Variants in ACACB observed in about 807,000 individuals in gnomAD.
ACACB encodes the protein acetyl-CoA carboxylase beta.
A neutral mutation model predicts 278.8 loss-of-function variants in ACACB; 209 were observed. That is an observed-to-expected ratio of 0.75 (90% confidence interval 0.67 to 0.84). The LOEUF is 0.84. Ranked by LOEUF, ACACB falls within the 40% of genes least tolerant of loss-of-function variation. The pLI is 0.00. For synonymous variants in ACACB, 1,174 were observed against 1,285.6 expected (o/e 0.91, Z 1.86); for missense variants, 2,850 against 3,269.0 (o/e 0.87, Z 3.13).
At chr12:109,172,214 A>C in intron 5 of ACACB, 61 bp from the exon 6 acceptor site, 2 of 1,526,412 alleles carry the variant, frequency 1.3e-6, no homozygotes, top group East Asian at 4.5e-5. Flanking sequence ...GAGTTACTGC[A>C]CCTGGCTGGG....
At position 109,204,942 on chromosome 12, in the gene ACACB, G is replaced by C. The variant is rs920781104; in HGVS notation, c.2914-1768G>C. On this transcript the variant is annotated intron_variant, in intron 19 of 52. Coordinates refer to ENST00000338432, the MANE Select transcript of ACACB (RefSeq NM_001093.4). ...GCTCACTGCAACCTCCACTTCCTGG[G>C]TTCAAGCAATTCTCCTGCCTCAGAC... Among the ~76,000 whole-genome samples the C allele has an allele frequency of 3.3e-5, 5 of 152,184 alleles. No homozygotes were observed. The East Asian group carries it at 7.7e-4, about 24-fold the overall frequency.
chr12:109,262,332 C>G (rs752241070), intron 48 of ACACB, 25 bp from the exon 49 acceptor site: 1 of 1,588,416 alleles, frequency 6.3e-7, no homozygotes, highest in Non-Finnish European at 8.6e-7. Context: ...TCATATACCC[C>G]CATCCCTGCC....
In ACACB at chr12:109,210,095, ATG is replaced by A. The variant is rs371670443; in HGVS notation, c.3249+750_3249+751del. On this transcript the variant is annotated intron_variant, in intron 21 of 52. Coordinates refer to ENST00000338432, the MANE Select transcript of ACACB (RefSeq NM_001093.4). The stretch of plus-strand genomic sequence containing the variant: ...TGTGTATATATGTATATATACACAC[ATG>A]TGTGTGTATATGTATATATACACGT... Among the ~76,000 whole-genome samples the A allele has an allele frequency of 9.7e-3, 730 of 75,220 alleles. 118 individuals are homozygous for A. The highest frequency in any genetic ancestry group is 0.029 in the African/African-American group (558 of 19,088). 49.3% of individuals were successfully genotyped at this position (75,220 alleles called of 152,430 possible). A position where few individuals can be genotyped will look rare whatever the true frequency, so the allele number is the denominator to read the frequency against.
upstream of ACACB, among the ~76,000 whole-genome samples, chr12:109,112,337 C>T (rs907602331): frequency 2.0e-5 from 3 of 149,756 alleles, no homozygotes. Flanking sequence ...CATGTGGTGA[C>T]ACTTTAAACA....
At chr12:109,199,171 C>T (rs1410625674) in intron 17 of ACACB, among the ~76,000 whole-genome samples, 1 of 151,850 alleles carries the variant, frequency 6.6e-6, no homozygotes, top group East Asian at 1.9e-4. Flanking sequence ...GCCTGGGCAA[C>T]AGAGCGAGAC....
At chr12:109,232,316 C>G (rs1413387409) in intron 28 of ACACB, among the ~76,000 whole-genome samples, 1 of 152,062 alleles carries the variant, frequency 6.6e-6, no homozygotes, top group Non-Finnish European at 1.5e-5. Flanking sequence ...TCACCAGCTG[C>G]CTGGGGCTGG....
intron 24 of ACACB, among the ~76,000 whole-genome samples, chr12:109,219,656 A>G (rs2046104390): frequency 6.6e-6 from 1 of 152,226 alleles, no homozygotes; most frequent in Admixed American, 6.5e-5. Context: ...ACTTTCAGAA[A>G]AAGAGAGAGT....
chr12:109,191,667 C>T lies in ACACB; in HGVS notation c.2199C>T (p.Thr733=), dbSNP rs145205732. 8.5e-4 allele frequency: 1,371 copies of T among 1,614,174 alleles called. 7 individuals are homozygous for T. The highest frequency in any genetic ancestry group is 8.6e-4 in the Non-Finnish European group (1,014 of 1,180,014). ...ELSIRGDFRT[T]VEYLINLLET... is the part of the protein sequence containing the mutation. ...CCATCCGAGGCGACTTTAGGACTACCGTGGAATACCTCATTAACCTCCTGG... is the reference window on the plus strand; with the variant it reads ...CCATCCGAGGCGACTTTAGGACTACTGTGGAATACCTCATTAACCTCCTGG... Residue 733 remains threonine (T), a synonymous_variant, in exon 14 of 53, where the codon ACC becomes ACT. Transcript: ENST00000338432.
chr12:109,212,051 T>C (rs996613178), intron 21 of ACACB, among the ~76,000 whole-genome samples: 4 of 152,234 alleles, frequency 2.6e-5, no homozygotes, highest in African/African-American at 9.6e-5. Context: ...CCCATTGATA[T>C]GTGCGGAATG....
At chr12:109,251,537 C>T (rs1429654329) in intron 41 of ACACB, among the ~76,000 whole-genome samples, 2 of 152,144 alleles carry the variant, frequency 1.3e-5, no homozygotes, top group Non-Finnish European at 2.9e-5. Context: ...TAGGACCCAC[C>T]GTAAGTTATA....
chr12:109,254,754 A>C (rs922834058), intron 44 of ACACB, among the ~76,000 whole-genome samples: 4 of 150,602 alleles, frequency 2.7e-5, no homozygotes, highest in African/African-American at 7.3e-5. Flanking sequence ...GTGAGTTTAC[A>C]CAGGATAGGC....
At chr12:109,141,804 G>A (rs2043131365) in intron 2 of ACACB, among the ~76,000 whole-genome samples, 1 of 152,186 alleles carries the variant, frequency 6.6e-6, no homozygotes, top group Non-Finnish European at 1.5e-5. Flanking sequence ...GGAAGAGAAA[G>A]TCTCAGAATC....
At chr12:109,160,911 A>G (rs1460330229) in intron 2 of ACACB, among the ~76,000 whole-genome samples, 1 of 152,192 alleles carries the variant, frequency 6.6e-6, no homozygotes, top group Non-Finnish European at 1.5e-5. Context: ...TAGGCCACAA[A>G]TGAAGTTTTT....
intron 42 of ACACB, 135 bp downstream of exon 42, chr12:109,252,291 T>A: frequency 1.7e-6 from 1 of 597,008 alleles, no homozygotes; most frequent in Non-Finnish European, 2.8e-6. Flanking sequence ...AGCTCTTTTT[T>A]TCCAATTTGC....
chr12:109,188,400 CT>C (rs1174269016), intron 13 of ACACB, among the ~76,000 whole-genome samples: 7 of 138,778 alleles, frequency 5.0e-5, no homozygotes, highest in Non-Finnish European at 1.1e-4. Flanking sequence ...CCTTCCATCC[CT>C]TCCCCTCCCT....
At chr12:109,206,427 T>TTAAAAAAAAAAAA (rs2045512279) in intron 19 of ACACB, among the ~76,000 whole-genome samples, 1 of 55,212 alleles carries the variant, frequency 1.8e-5, no homozygotes, top group Non-Finnish European at 3.4e-5. Flanking sequence ...TGCGAGTGTC[T>TTAAAAAAAAAAAA]CAAAAAAAAA....
chr12:109,146,186 G>A (rs1343893824), intron 2 of ACACB, among the ~76,000 whole-genome samples: 2 of 152,164 alleles, frequency 1.3e-5, no homozygotes, highest in Admixed American at 6.5e-5. Context: ...AAACAACTAA[G>A]GCCTGGGAGA....
At chr12:109,256,699 C>T (rs947483981) in intron 45 of ACACB, among the ~76,000 whole-genome samples, 3 of 152,156 alleles carry the variant, frequency 2.0e-5, no homozygotes, top group African/African-American at 4.8e-5. Flanking sequence ...CTGAAAGTTC[C>T]TCCTTATAAT....
chr12:109,133,340 C>T (rs867988998), intron 1 of ACACB, among the ~76,000 whole-genome samples: 1 of 152,060 alleles, frequency 6.6e-6, no homozygotes, highest in Non-Finnish European at 1.5e-5. Flanking sequence ...AAGCAATTCT[C>T]CTGCCTCAGC....
Sources: allele counts gnomAD v4.1 joint callset (sites outside exome capture counted in the v4.1 genomes callset), GRCh38; gene constraint gnomAD v4.1.1; transcripts MANE v1.5; gene names NCBI Gene and HGNC (gene_info 2026-07-23, HGNC 2026-07-21).